The following HSP90AA1 variants were observed in gnomAD, a reference collection of about 807,000 sequenced individuals.
HSP90AA1 encodes the protein heat shock protein 90 alpha family class A member 1.
In HSP90AA1, 18 loss-of-function variants were observed where a neutral mutation model predicts 73.3. The ratio of observed to expected loss-of-function variants is 0.25; its 90% confidence interval spans 0.17 to 0.36. HSP90AA1 has a LOEUF of 0.36. HSP90AA1 is among the 10% of genes least tolerant of loss of function. The pLI is 1.00. For missense variants in HSP90AA1, 704 were observed against 874.2 expected (o/e 0.81, Z 2.45); for synonymous variants, 477 against 296.9 (o/e 1.61, Z -6.24).
chr14:102,103,180 CAAAAAAA>C (rs898771022), intron 1 of HSP90AA1, among the ~76,000 whole-genome samples: 3 of 37,234 alleles, frequency 8.1e-5, no homozygotes, highest in Non-Finnish European at 1.6e-4. Flanking sequence ...GACTCAGTCT[CAAAAAAA>C]AAAAAAAAAA....
chr14:102,082,480 G>A, intron 9 of HSP90AA1, 36 bp from the exon 10 acceptor site: 2 of 1,512,770 alleles, frequency 1.3e-6, no homozygotes, highest in Non-Finnish European at 1.8e-6. Context: ...AACCTAGAAA[G>A]ATTAATTCCT....
chr14:102,131,744 C>G (rs2049909078), intron 1 of HSP90AA1, among the ~76,000 whole-genome samples: 1 of 152,210 alleles, frequency 6.6e-6, no homozygotes, highest in Non-Finnish European at 1.5e-5. Context: ...GACATATTCT[C>G]AATCTCTCTT....
At chr14:102,105,993 T>C (rs539215945) in intron 1 of HSP90AA1, among the ~76,000 whole-genome samples, 21 of 152,220 alleles carry the variant, frequency 1.4e-4, no homozygotes, top group African/African-American at 5.1e-4. Context: ...GGAGAATTGC[T>C]TGAACCCATG....
intron 1 of HSP90AA1, among the ~76,000 whole-genome samples, chr14:102,102,371 T>G (rs932044291): frequency 6.6e-6 from 1 of 152,166 alleles, no homozygotes; most frequent in African/African-American, 2.4e-5. Context: ...GCTCTTGGAC[T>G]GGGCTAGAGG....
chr14:102,084,831 C>A lies in HSP90AA1; in HGVS notation c.831G>T (p.Lys277Asn), dbSNP rs371838714. The part of the protein sequence containing the change: ...EEKKDGDKKK[K>N]KKIKEKYIDQ... ...CGATGTACTTTTCCTTAATCTTCTT[C>A]TTCTTCTTCTTGTCACCATCCTTCT... Residue 277 changes from lysine (K) to asparagine (N), a missense_variant, in exon 5 of 11, where the codon AAG becomes AAT. Physicochemically the swap from Lys to Asn is moderately conservative, Grantham distance 94. Coordinates refer to ENST00000216281, the MANE Select transcript of HSP90AA1 (RefSeq NM_005348.4). The A allele has an allele frequency of 6.2e-7, 1 of 1,604,452 alleles. No individual in the cohort carries two copies. Among genetic ancestry groups the A allele is most frequent in the Non-Finnish European group, 8.5e-7 (1 of 1,171,346 alleles).
intron 1 of HSP90AA1, among the ~76,000 whole-genome samples, chr14:102,086,675 T>G (rs2049246974): frequency 6.6e-6 from 1 of 150,508 alleles, no homozygotes; most frequent in South Asian, 2.1e-4. Flanking sequence ...CACGGCGGCC[T>G]CCTCCGCCTG....
At chr14:102,095,140 A>G (rs553735794) in intron 2 of HSP90AA1, among the ~76,000 whole-genome samples, 18 of 152,336 alleles carry the variant, frequency 1.2e-4, no homozygotes, top group African/African-American at 4.1e-4. Context: ...TGCTGGGAAC[A>G]TGAGCAGGAA....
upstream of HSP90AA1, among the ~76,000 whole-genome samples, chr14:102,088,637 C>T (rs925471538): frequency 6.6e-6 from 1 of 152,126 alleles, no homozygotes; most frequent in Non-Finnish European, 1.5e-5. Flanking sequence ...GGGGGCGCGC[C>T]CCCGGCCCAG....
In HSP90AA1 at chr14:102,130,758, C is replaced by T. The variant is rs894780401; in HGVS notation, c.155+8492G>A. Among the ~76,000 whole-genome samples, 25 of 152,116 alleles carry T rather than the reference C, an allele frequency of 1.6e-4. 1 individual carries two copies. Among genetic ancestry groups the T allele is most frequent in the Admixed American group, 1.6e-3 (25 of 15,260 alleles). On this transcript the variant is annotated intron_variant, in intron 1 of 11. Coordinates refer to the HSP90AA1 transcript ENST00000334701. ...AATTTTTGTTTTTTTGAGACAGGGT[C>T]TCCCTCTGTTGCCCAGGCTGGAGTG...
intron 1 of HSP90AA1, among the ~76,000 whole-genome samples, chr14:102,129,704 C>T (rs2049884089): frequency 1.3e-5 from 2 of 151,930 alleles, no homozygotes; most frequent in Non-Finnish European, 2.9e-5. Flanking sequence ...GAGGTTTCAC[C>T]GTGTTGGCTA....
At chr14:102,109,766 G>C (rs2049614677) in intron 1 of HSP90AA1, among the ~76,000 whole-genome samples, 2 of 152,146 alleles carry the variant, frequency 1.3e-5, no homozygotes. Flanking sequence ...AGAACAGTTT[G>C]GAGGGCTCAG....
intron 1 of HSP90AA1, among the ~76,000 whole-genome samples, chr14:102,124,847 T>C (rs1386514568): frequency 2.6e-5 from 4 of 152,276 alleles, no homozygotes; most frequent in Admixed American, 1.3e-4. Context: ...ATTTATGTTA[T>C]GTCTTTTGAC....
intron 1 of HSP90AA1, among the ~76,000 whole-genome samples, chr14:102,134,012 A>G (rs924678195): frequency 1.3e-5 from 2 of 151,816 alleles, no homozygotes; most frequent in Non-Finnish European, 2.9e-5. Context: ...TTAGCCGTGC[A>G]TGGTGGCGGG....
chr14:102,137,182 G>A (rs973729413), intron 1 of HSP90AA1, among the ~76,000 whole-genome samples: 1 of 151,970 alleles, frequency 6.6e-6, no homozygotes, highest in Non-Finnish European at 1.5e-5. Flanking sequence ...TCCAGCCTGC[G>A]GAGAGCTGAG....
chr14:102,096,322 C>T (rs1490324179), intron 2 of HSP90AA1, among the ~76,000 whole-genome samples: 1 of 152,154 alleles, frequency 6.6e-6, no homozygotes, highest in Non-Finnish European at 1.5e-5. Context: ...TCCATTCTCT[C>T]GCCCCTCCCT....
At chr14:102,097,453 G>T (rs2049439734) in intron 2 of HSP90AA1, among the ~76,000 whole-genome samples, 2 of 152,142 alleles carry the variant, frequency 1.3e-5, no homozygotes. Flanking sequence ...ACTATAGGGT[G>T]GTGGGTACAA....
chr14:102,091,022 T>C (rs529990846), upstream of HSP90AA1, among the ~76,000 whole-genome samples: 17 of 152,322 alleles, frequency 1.1e-4, no homozygotes, highest in Admixed American at 9.8e-4. Context: ...AGCATAGACA[T>C]GAACATGTCT....
intron 3 of HSP90AA1, 147 bp downstream of exon 3, chr14:102,085,611 C>T (rs1001460344): frequency 3.5e-5 from 46 of 1,313,506 alleles, no homozygotes; most frequent in Non-Finnish European, 4.6e-5. Flanking sequence ...CCAAGTCATG[C>T]CATTACACTA....
rs538073193 is a variant in HSP90AA1, at chr14:102,125,313, CAACA to C, written c.155+13933_155+13936del. ...CCAACCTCATAATCTTTTCTTATCC[CAACA>C]AACAGATCTAGAGCCACAATAAAAA... On this transcript the variant is annotated intron_variant, in intron 1 of 11. Transcript: ENST00000334701. 6.3e-4 allele frequency among the ~76,000 whole-genome samples: 96 copies of C among 152,264 alleles called. 1 individual carries two copies. Among genetic ancestry groups the C allele is most frequent in the African/African-American group, 2.2e-3 (92 of 41,548 alleles).
Sources: gnomAD v4.1 joint callset for allele counts (sites outside exome capture counted in the v4.1 genomes callset) on GRCh38, gnomAD v4.1.1 for gene constraint, MANE v1.5 for transcripts, NCBI Gene and HGNC (gene_info 2026-07-23, HGNC 2026-07-21) for gene names.